A1CF: variants seen among roughly 807,000 people sequenced by gnomAD.
The protein encoded by A1CF is APOBEC-1 stimulating protein.
Under a neutral mutation model 68.9 loss-of-function variants are expected in A1CF, and 48 were observed. The ratio of observed to expected loss-of-function variants is 0.70; its 90% CI spans 0.55 to 0.89. The LOEUF is 0.89. Ranked by LOEUF, A1CF falls within the 40% of genes least tolerant of loss-of-function variation. The pLI is 0.00. For synonymous variants in A1CF, 272 were observed against 260.4 expected, an observed-to-expected ratio of 1.04 and a Z score of -0.43; for missense variants, 653 against 718.9, an observed-to-expected ratio of 0.91 and a Z score of 1.05.
intron 10 of A1CF, 85 bp from the exon 11 acceptor site, chr10:50,811,261 T>C: frequency 7.2e-7 from 1 of 1,392,930 alleles, no homozygotes; most frequent in East Asian, 2.4e-5. Flanking sequence ...ACTCTAATTT[T>C]CAGAGTTCAA....
chr10:50,827,896 C>T (rs1351491293), intron 7 of A1CF, among the ~76,000 whole-genome samples: 1 of 151,432 alleles, frequency 6.6e-6, no homozygotes, highest in Non-Finnish European at 1.5e-5. Context: ...ACTAGCAAGA[C>T]TAATAAAGAA....
intron 1 of A1CF, among the ~76,000 whole-genome samples, chr10:50,868,875 G>A (rs528647921): frequency 7.2e-5 from 11 of 152,148 alleles, no homozygotes; most frequent in Admixed American, 6.5e-4. Context: ...ACCTGCTGCA[G>A]AGGAGGATAA....
At chr10:50,853,476 G>T (rs986083858) in intron 3 of A1CF, among the ~76,000 whole-genome samples, 3 of 151,980 alleles carry the variant, frequency 2.0e-5, no homozygotes, top group African/African-American at 4.8e-5. Context: ...TAATTACTTT[G>T]CTTGTTTCTT....
chr10:50,880,917 G>A (rs1239996549), intron 1 of A1CF, among the ~76,000 whole-genome samples: 2 of 151,666 alleles, frequency 1.3e-5, no homozygotes, highest in African/African-American at 4.8e-5. Context: ...TTTCTTCTAG[G>A]TCCCATATGG....
chr10:50,845,059 G>A lies in A1CF; in HGVS notation c.100-937C>T, dbSNP rs569133561. Among the ~76,000 whole-genome samples the A allele has an allele frequency of 7.2e-5, 11 of 152,114 alleles. No individual in the cohort carries two copies. The East Asian group carries it at 1.7e-3, about 24-fold the overall frequency. ...CATTATTTCTAATAATTCATACCAC[G>A]TTTTTTAAAAATAATAACTTAAAAA... On this transcript the variant is annotated intron_variant, in intron 3 of 12. Transcript: ENST00000373997.
intron 2 of A1CF, 37 bp from the exon 3 acceptor site, chr10:50,860,022 G>T: frequency 2.7e-6 from 3 of 1,092,346 alleles, no homozygotes; most frequent in Non-Finnish European, 4.2e-6. Flanking sequence ...GTAAATTACT[G>T]TTGTCAAGTC....
intron 7 of A1CF, among the ~76,000 whole-genome samples, chr10:50,820,870 C>T (rs569564523): frequency 6.6e-5 from 10 of 152,082 alleles, no homozygotes; most frequent in African/African-American, 2.4e-4. Context: ...TTTGTGTCTT[C>T]CACTTCCTAG....
chr10:50,842,709 A>C (rs1839837037), intron 4 of A1CF, among the ~76,000 whole-genome samples: 1 of 152,216 alleles, frequency 6.6e-6, no homozygotes, highest in African/African-American at 2.4e-5. Context: ...TCTATCATTG[A>C]TGTTTAAAAT....
intron 1 of A1CF, among the ~76,000 whole-genome samples, chr10:50,883,073 G>A (rs575566518): frequency 5.6e-4 from 85 of 152,270 alleles, no homozygotes; most frequent in African/African-American, 1.9e-3. Flanking sequence ...TGAATAAATG[G>A]AATAGTGCTA....
At position 50,801,277 on chromosome 10, in the gene A1CF, CAGAA is replaced by C. The variant is rs1418234809; in HGVS notation, c.*5448_*5451del. 6.6e-6 allele frequency: 1 copy of C among 152,188 alleles called. No homozygotes were observed. The highest frequency in any genetic ancestry group is 1.5e-5 in the Non-Finnish European group (1 of 68,026). 9.4% of individuals were successfully genotyped at this position (152,188 alleles called of 1,614,324 possible). ...TCTGTTTACTATGACCCTGCTCAGT[CAGAA>C]AGAAGTAGCTAGGCTCTTTAGTTTA... is the stretch of plus-strand genomic sequence containing the variant. On this transcript the variant is annotated 3_prime_UTR_variant, in exon 13 of 13. Coordinates refer to ENST00000373997, the MANE Select transcript of A1CF (RefSeq NM_014576.4).
intron 1 of A1CF, among the ~76,000 whole-genome samples, chr10:50,869,447 A>G (rs577355609): frequency 1.5e-4 from 23 of 152,246 alleles, no homozygotes; most frequent in Non-Finnish European, 2.9e-4. Flanking sequence ...TTTCGAATGC[A>G]TTATCTTGAG....
At chr10:50,844,680 T>G (rs1839920705) in intron 3 of A1CF, among the ~76,000 whole-genome samples, 1 of 152,144 alleles carries the variant, frequency 6.6e-6, no homozygotes, top group African/African-American at 2.4e-5. Context: ...AGAAGTTTCA[T>G]GCTATAAAAT....
intron 6 of A1CF, 109 bp from the exon 7 acceptor site, chr10:50,828,404 G>A: frequency 1.2e-6 from 1 of 805,976 alleles, no homozygotes; most frequent in Non-Finnish European, 1.8e-6. Flanking sequence ...GGTCTTGAAT[G>A]AGCAAGAAGA....
chr10:50,855,459 A>G (rs1840435434), intron 3 of A1CF, among the ~76,000 whole-genome samples: 1 of 152,030 alleles, frequency 6.6e-6, no homozygotes, highest in Non-Finnish European at 1.5e-5. Context: ...ACAATTTTCA[A>G]CAAGAGTATG....
At position 50,816,075 on chromosome 10, in the gene A1CF, T is replaced by G. The variant is rs1475554723; in HGVS notation, c.1072A>C (p.Ser358Arg). The G allele has an allele frequency of 6.2e-7, 1 of 1,613,806 alleles. No individual in the cohort carries two copies. The highest frequency in any genetic ancestry group is 1.7e-5 in the Admixed American group (1 of 59,976). The change falls in exon 9 of 13, where the codon AGT (serine) becomes CGT (arginine). Residue 358 changes from serine to arginine, a missense_variant. Physicochemically the swap from Ser to Arg is moderately radical, Grantham distance 110. Coordinates refer to ENST00000373997, the MANE Select transcript of A1CF (RefSeq NM_014576.4). ...YAPQTYAAIP[S>R]LHFPATKGHL... ...CCTTTGGTGGCTGGGAAATGAAGAC[T>G]GGGAATTGCTGCATAGGTCTGGGGG...
chr10:50,876,811 T>A (rs1261383380), intron 1 of A1CF, among the ~76,000 whole-genome samples: 6 of 152,228 alleles, frequency 3.9e-5, no homozygotes, highest in African/African-American at 1.4e-4. Context: ...TTATTTGTAT[T>A]TATATGTGTA....
chr10:50,844,044 T>C lies in A1CF; in HGVS notation c.178A>G (p.Ile60Val), dbSNP rs1014634427. ...AAAAGGTCTCGGGGAAGTTTTCCAATAAAAATTTCACAGCCCCTTTCAGGG... is the reference window on the plus strand; with the variant it reads ...AAAAGGTCTCGGGGAAGTTTTCCAACAAAAATTTCACAGCCCCTTTCAGGG... ...APPERGCEIFIGKLPRDLFED... is the reference protein window; with the variant it reads ...APPERGCEIFVGKLPRDLFED... The change falls in exon 4 of 13, where the codon ATT (isoleucine) becomes GTT (valine). Residue 60 changes from isoleucine (I) to valine (V), a missense_variant. By Grantham distance (29) the Ile-to-Val change is conservative. Transcript: ENST00000373997. 1 of 1,613,848 alleles carries C rather than the reference T, an allele frequency of 6.2e-7. No homozygotes were observed. Among genetic ancestry groups the C allele is most frequent in the Non-Finnish European group, 8.5e-7 (1 of 1,179,868 alleles).
intron 4 of A1CF, 36 bp from the exon 5 acceptor site, chr10:50,842,028 C>A (rs573329582): frequency 6.4e-7 from 1 of 1,558,202 alleles, no homozygotes; most frequent in South Asian, 1.1e-5. Context: ...TATATTTATA[C>A]GTTTGTACTT....
At chr10:50,869,963 AT>A (rs1432773765) in intron 1 of A1CF, among the ~76,000 whole-genome samples, 1 of 151,880 alleles carries the variant, frequency 6.6e-6, no homozygotes, top group Non-Finnish European at 1.5e-5. Flanking sequence ...ATGGATGTTA[AT>A]GAAAATATCA....
Sources: gnomAD v4.1 joint callset for allele counts (sites outside exome capture counted in the v4.1 genomes callset) on GRCh38, gnomAD v4.1.1 for gene constraint, MANE v1.5 for transcripts, NCBI Gene and HGNC (gene_info 2026-07-23, HGNC 2026-07-21) for gene names.